RTL9: variants seen among roughly 807,000 people sequenced by gnomAD.
The protein encoded by RTL9 is retrotransposon Gag like 9, also known as retrotransposon Gag-like protein 9.
RTL9 carries 19 observed loss-of-function variants against 44.7 expected under a neutral mutation model. The ratio of observed to expected loss-of-function variants is 0.42; its 90% CI spans 0.30 to 0.62. The LOEUF (loss-of-function observed/expected upper bound fraction) is 0.62, where lower values mean the gene tolerates loss of function less well. RTL9 is among the 20% of genes least tolerant of loss of function. RTL9 has a pLI of 0.16. For missense variants in RTL9, 1,105 were observed against 1,080.6 expected (o/e 1.02, Z -0.32); for synonymous variants, 407 against 398.9 (o/e 1.02, Z -0.24).
exon 2 of RTL9, chrX:110,455,458 C>G (rs906915971): frequency 1.5e-5 from 11 of 751,202 alleles, no homozygotes; most frequent in Admixed American, 6.3e-5. Flanking sequence ...CACATCCCAC[C>G]TTACCTCTCA....
At chrX:110,454,055 A>T (rs779495983) in exon 1 of RTL9, 13 of 1,210,554 alleles carry the variant, frequency 1.1e-5, no homozygotes, top group Non-Finnish European at 1.5e-5. Context: ...TGTTGACCCC[A>T]GCACTCTGCT....
At chrX:110,380,155 G>A (rs367604746) in intron 1 of RTL9, among the ~76,000 whole-genome samples, 20 of 111,821 alleles carry the variant, frequency 1.8e-4, no homozygotes, top group African/African-American at 6.5e-4. Context: ...TAAAGGTACA[G>A]ACATGGGAAA....
intron 1 of RTL9, among the ~76,000 whole-genome samples, chrX:110,378,917 C>T (rs1005909819): frequency 4.5e-4 from 50 of 110,364 alleles, no homozygotes; most frequent in African/African-American, 1.6e-3. Flanking sequence ...CTGCTGGACA[C>T]CCGTCCACCC....
upstream of RTL9, among the ~76,000 whole-genome samples, chrX:110,448,787 C>T (rs1266568472): frequency 9.1e-6 from 1 of 109,797 alleles, no homozygotes; most frequent in African/African-American, 3.3e-5. Context: ...TGGCTGGGCA[C>T]GAGGTATAAG....
chrX:110,393,590 A>C (rs1359582672), intron 1 of RTL9, among the ~76,000 whole-genome samples: 1 of 111,479 alleles, frequency 9.0e-6, no homozygotes, highest in African/African-American at 3.3e-5. Flanking sequence ...GTGCCTCTAA[A>C]AGTTTCTTCT....
intron 1 of RTL9, among the ~76,000 whole-genome samples, chrX:110,367,487 C>T (rs1016298012): frequency 3.6e-5 from 4 of 111,301 alleles, no homozygotes; most frequent in Non-Finnish European, 7.5e-5. Context: ...CAGTTTATCA[C>T]TCTCTCCTTG....
At chrX:110,381,144 G>A (rs1365116598) in intron 1 of RTL9, among the ~76,000 whole-genome samples, 1 of 111,370 alleles carries the variant, frequency 9.0e-6, no homozygotes, top group Non-Finnish European at 1.9e-5. Context: ...ATATCGACAG[G>A]CACCCTACAG....
rs762913982 is a variant in RTL9 at position 110,396,284 on chromosome X, C to G, written c.-168+37368C>G. On this transcript the variant is annotated intron_variant, in intron 1 of 2. Coordinates refer to the RTL9 transcript ENST00000520821. ...TAAAAAATATAGTATAATGAACCCC[C>G]AAGTATCCATCACCCAGATTCAACA... Among the ~76,000 whole-genome samples the G allele has an allele frequency of 1.5e-4, 17 of 111,687 alleles. 1 individual carries two copies. In the South Asian group the frequency reaches 6.5e-3, roughly 43 times the overall value.
intron 1 of RTL9, among the ~76,000 whole-genome samples, chrX:110,388,019 G>T (rs1393110336): frequency 1.8e-5 from 2 of 109,453 alleles, no homozygotes; most frequent in Non-Finnish European, 3.8e-5. Context: ...CCGCCATCAC[G>T]CCCAGCTAAT....
intron 1 of RTL9, among the ~76,000 whole-genome samples, chrX:110,381,871 G>C (rs995784817): frequency 4.5e-5 from 5 of 110,838 alleles, no homozygotes; most frequent in African/African-American, 1.6e-4. Flanking sequence ...GGTACACATG[G>C]ACATAAAGAT....
chrX:110,447,747 G>A (rs928465860), upstream of RTL9, among the ~76,000 whole-genome samples: 5 of 110,554 alleles, frequency 4.5e-5, no homozygotes, highest in African/African-American at 9.9e-5. Context: ...GTTGTTGGTC[G>A]TTAATTATGA....
chrX:110,448,454 CCTCTT>C (rs1359773083), upstream of RTL9, among the ~76,000 whole-genome samples: 2 of 109,631 alleles, frequency 1.8e-5, no homozygotes, highest in African/African-American at 3.3e-5. Flanking sequence ...GTGTCAATCT[CCTCTT>C]TTCTTTGGGC....
intron 1 of RTL9, among the ~76,000 whole-genome samples, chrX:110,367,595 G>A (rs2068305869): frequency 9.0e-6 from 1 of 110,949 alleles, no homozygotes; most frequent in Admixed American, 9.7e-5. Flanking sequence ...TTACAGGTAT[G>A]TCTTCATTTT....
At chrX:110,396,721 T>A (rs749326673) in intron 1 of RTL9, among the ~76,000 whole-genome samples, 8 of 112,348 alleles carry the variant, frequency 7.1e-5, no homozygotes, top group Non-Finnish European at 1.5e-4. Flanking sequence ...CACAGTCAAT[T>A]AGTGGCTGAT....
intron 1 of RTL9, among the ~76,000 whole-genome samples, chrX:110,377,132 C>G (rs1444195467): frequency 9.0e-6 from 1 of 111,582 alleles, no homozygotes; most frequent in East Asian, 2.8e-4. Flanking sequence ...CTTGAAGATA[C>G]TTACAGGAGA....
intron 1 of RTL9, among the ~76,000 whole-genome samples, chrX:110,427,197 C>T (rs1244559277): frequency 8.9e-6 from 1 of 112,050 alleles, no homozygotes; most frequent in Non-Finnish European, 1.9e-5. Flanking sequence ...TTCTCACCTT[C>T]TCTCCTTAGT....
intron 1 of RTL9, among the ~76,000 whole-genome samples, chrX:110,361,326 C>T (rs1268123407): frequency 8.0e-5 from 9 of 111,858 alleles, no homozygotes; most frequent in Non-Finnish European, 1.5e-4. Flanking sequence ...TTCATTGCTA[C>T]TATCCTGGTT....
upstream of RTL9, among the ~76,000 whole-genome samples, chrX:110,414,972 A>G (rs929456240): frequency 2.7e-5 from 3 of 111,560 alleles, no homozygotes; most frequent in African/African-American, 9.8e-5. Flanking sequence ...ATATATATAT[A>G]TATTCTCTGC....
chrX:110,403,978 A>G (rs1229841266), intron 1 of RTL9, among the ~76,000 whole-genome samples: 1 of 112,207 alleles, frequency 8.9e-6, no homozygotes, highest in Non-Finnish European at 1.9e-5. Context: ...TAGCCTGTGA[A>G]CTTCTTCTCC....
Sources: gnomAD v4.1 joint callset for allele counts (sites outside exome capture counted in the v4.1 genomes callset) on GRCh38, gnomAD v4.1.1 for gene constraint, MANE v1.5 for transcripts, NCBI Gene and HGNC (gene_info 2026-07-23, HGNC 2026-07-21) for gene names.